The following ACBD6 variants were observed in gnomAD, a reference collection of about 807,000 sequenced individuals.
ACBD6 encodes acyl-CoA binding domain containing 6.
ACBD6 carries 28 observed loss-of-function variants against 37.2 expected under a neutral mutation model. The ratio of observed to expected loss-of-function variants is 0.75; its 90% CI spans 0.56 to 1.03. The LOEUF is 1.03. Ranked by LOEUF, ACBD6 falls within the 50% of genes least tolerant of loss-of-function variation. The pLI, the probability that ACBD6 is intolerant of heterozygous loss-of-function variation, is 0.00. For synonymous variants in ACBD6, 113 were observed against 126.8 expected (o/e 0.89, Z 0.73); for missense variants, 340 against 337.4 (o/e 1.01, Z -0.06).
At chr1:180,303,525 C>T (rs138047422) in intron 7 of ACBD6, among the ~76,000 whole-genome samples, 2,405 of 150,642 alleles carry the variant, frequency 0.016, 137 homozygotes, top group South Asian at 0.032. Flanking sequence ...ATAAATTCCT[C>T]GACACATACA....
At chr1:180,372,273 C>T (rs1321001026) in intron 6 of ACBD6, among the ~76,000 whole-genome samples, 1 of 152,014 alleles carries the variant, frequency 6.6e-6, no homozygotes, top group African/African-American at 2.4e-5. Flanking sequence ...AAAGTAGACA[C>T]CTATTACACA....
At chr1:180,495,433 C>A in intron 2 of ACBD6, 28 bp downstream of exon 2, 1 of 1,539,832 alleles carries the variant, frequency 6.5e-7, no homozygotes, top group Non-Finnish European at 8.9e-7. Context: ...TTCCAACAAC[C>A]TCATTAAAGA....
At chr1:180,438,989 T>C (rs886373219) in intron 3 of ACBD6, among the ~76,000 whole-genome samples, 28 of 152,216 alleles carry the variant, frequency 1.8e-4, no homozygotes, top group African/African-American at 6.5e-4. Context: ...TGTTTTACTC[T>C]TTCCAGAATG....
chr1:180,313,040 T>A (rs1373992390), intron 7 of ACBD6, among the ~76,000 whole-genome samples: 4 of 152,356 alleles, frequency 2.6e-5, no homozygotes, highest in South Asian at 4.1e-4. Context: ...ACAGTTTTTT[T>A]ACCTAATTTG....
In ACBD6 at chr1:180,325,074, G is replaced by C. The variant is rs75171317; in HGVS notation, c.664-10352C>G. ...GGAGCTTGATTATTAAATGCCTTGAGGTAGTCTTCTTTAGGTTAAAACTGT... is the reference window on the plus strand; with the variant it reads ...GGAGCTTGATTATTAAATGCCTTGACGTAGTCTTCTTTAGGTTAAAACTGT... On this transcript the variant is annotated intron_variant, in intron 6 of 7. Coordinates refer to ENST00000367595, the MANE Select transcript of ACBD6 (RefSeq NM_032360.4). Among the ~76,000 whole-genome samples, 842 of 152,124 alleles carry C rather than the reference G, an allele frequency of 5.5e-3. 4 individuals carry two copies. The highest frequency in any genetic ancestry group is 7.8e-3 in the Non-Finnish European group (531 of 67,992).
intron 7 of ACBD6, among the ~76,000 whole-genome samples, chr1:180,295,772 T>C (rs4652493): frequency 0.49 from 74,682 of 152,036 alleles, 21,013 homozygotes; most frequent in South Asian, 0.66. Flanking sequence ...CAATGTTTTA[T>C]GTGTTCTGAC....
chr1:180,351,791 C>A (rs892485608), intron 6 of ACBD6, among the ~76,000 whole-genome samples: 1 of 152,056 alleles, frequency 6.6e-6, no homozygotes, highest in African/African-American at 2.4e-5. Context: ...AGAGAATGAT[C>A]CAGTAATTCC....
chr1:180,307,687 G>A (rs1321448311), intron 7 of ACBD6, among the ~76,000 whole-genome samples: 2 of 152,196 alleles, frequency 1.3e-5, no homozygotes, highest in Non-Finnish European at 2.9e-5. Context: ...GGGTACAGTG[G>A]CTCATGCCTG....
intron 6 of ACBD6, among the ~76,000 whole-genome samples, chr1:180,383,824 C>T (rs1176617972): frequency 6.6e-6 from 1 of 152,044 alleles, no homozygotes; most frequent in Non-Finnish European, 1.5e-5. Flanking sequence ...AAAACAGACA[C>T]ACAGACCAGT....
intron 3 of ACBD6, among the ~76,000 whole-genome samples, chr1:180,451,644 TC>T (rs1648087739): frequency 6.6e-6 from 1 of 152,174 alleles, no homozygotes; most frequent in Admixed American, 6.5e-5. Context: ...CATGTGATAT[TC>T]CCCATTTGAA....
At chr1:180,288,592 G>C in intron 7 of ACBD6, 75 bp from the exon 8 acceptor site, 1 of 1,506,852 alleles carries the variant, frequency 6.6e-7, no homozygotes, top group African/African-American at 1.4e-5. Flanking sequence ...AGCAGGAAAG[G>C]AAAGTGCTGA....
Position 180,288,406 on chromosome 1 carries a change from G to A in ACBD6, c.806C>T (p.Thr269Ile). The A allele has an allele frequency of 6.2e-7, 1 of 1,613,808 alleles. No individual in the cohort carries two copies. Among genetic ancestry groups the A allele is most frequent in the Non-Finnish European group, 8.5e-7 (1 of 1,180,016 alleles). ...GTGCCGCTGCAGCACCAAAGAAACT[G>A]TTTTGCAGCCTGTCACCTCCTCTGG... The part of the protein sequence containing the change: ...CLPEEVTGCK[T>I]VSLVLQRHTT... Residue 269 changes from threonine to isoleucine, a missense_variant, in exon 8 of 8, where the codon ACA becomes ATA. Coordinates refer to ENST00000367595, the MANE Select transcript of ACBD6 (RefSeq NM_032360.4).
chr1:180,469,449 A>G (rs954548226), intron 3 of ACBD6, among the ~76,000 whole-genome samples: 1 of 152,222 alleles, frequency 6.6e-6, no homozygotes, highest in Non-Finnish European at 1.5e-5. Context: ...AGTGAGCCTG[A>G]AAACAATATA....
At chr1:180,339,976 T>G (rs1651914808) in intron 6 of ACBD6, among the ~76,000 whole-genome samples, 1 of 152,166 alleles carries the variant, frequency 6.6e-6, no homozygotes, top group South Asian at 2.1e-4. Context: ...GGTAAGGGAA[T>G]AAGCTGTCTA....
At chr1:180,440,918 T>C (rs1649256452) in intron 3 of ACBD6, among the ~76,000 whole-genome samples, 1 of 152,238 alleles carries the variant, frequency 6.6e-6, no homozygotes, top group East Asian at 1.9e-4. Context: ...ATTATATGTA[T>C]ACAACAATGC....
chr1:180,273,949 C>T (rs1363193633), exon 11 of ACBD6: 2 of 566,212 alleles, frequency 3.5e-6, no homozygotes, highest in African/African-American at 3.8e-5. Flanking sequence ...AACATTTGTC[C>T]ATCCTTCTGG....
intron 3 of ACBD6, 125 bp downstream of exon 3, chr1:180,492,142 CTT>C: frequency 2.7e-6 from 2 of 744,168 alleles, no homozygotes; most frequent in East Asian, 2.8e-5. Flanking sequence ...ATTACAATAA[CTT>C]TAAAATATTT....
chr1:180,473,783 A>G (rs1034598270), intron 3 of ACBD6, among the ~76,000 whole-genome samples: 5 of 152,314 alleles, frequency 3.3e-5, no homozygotes, highest in African/African-American at 9.6e-5. Context: ...ATGGTACATA[A>G]TAACAGTAGC....
At chr1:180,474,401 T>C (rs1056142403) in intron 3 of ACBD6, among the ~76,000 whole-genome samples, 1 of 151,962 alleles carries the variant, frequency 6.6e-6, no homozygotes, top group Non-Finnish European at 1.5e-5. Flanking sequence ...TATGGCCAAA[T>C]AGCTGATATT....
Sources: gnomAD v4.1 joint callset for allele counts (sites outside exome capture counted in the v4.1 genomes callset) on GRCh38, gnomAD v4.1.1 for gene constraint, MANE v1.5 for transcripts, NCBI Gene and HGNC (gene_info 2026-07-23, HGNC 2026-07-21) for gene names.